Variants in SOX13 observed in about 807,000 individuals in gnomAD.
SOX13 encodes the protein transcription factor SOX-13.
A neutral mutation model predicts 71.8 loss-of-function variants in SOX13; 28 were observed. That is an observed-to-expected ratio of 0.39 (90% CI 0.29 to 0.53). The LOEUF (loss-of-function observed/expected upper bound fraction) is 0.53, where lower values mean the gene tolerates loss of function less well. Among genes scored for constraint, SOX13 ranks in the 20% least tolerant of loss-of-function variants. SOX13 has a pLI of 0.70. For synonymous variants in SOX13, 309 were observed against 317.8 expected (o/e 0.97, Z 0.29); for missense variants, 627 against 810.3 (o/e 0.77, Z 2.75).
At chr1:204,078,250 G>A (rs1262393203) in intron 1 of SOX13, 2 of 139,072 alleles carry the variant, frequency 1.4e-5, no homozygotes, top group African/African-American at 5.1e-5. Context: ...TTCCACCAAG[G>A]GATCTAGGTG....
rs1026782855 is a variant in SOX13 at position 204,082,387 on chromosome 1, G to C, written c.-2+8676G>C. Among the ~76,000 whole-genome samples the C allele has an allele frequency of 3.9e-5, 6 of 152,068 alleles. No individual in the cohort carries two copies. In the East Asian group the frequency reaches 1.2e-3, roughly 29 times the overall value. Reference sequence around the variant, plus strand: ...AGTGAGGACATTAGACGGATGTCAAGAAGGAAGGGAGAGTAGAATGGAAGA... The same window carrying C: ...AGTGAGGACATTAGACGGATGTCAACAAGGAAGGGAGAGTAGAATGGAAGA... On this transcript the variant is annotated intron_variant, in intron 1 of 13. Coordinates refer to ENST00000367204, the MANE Select transcript of SOX13 (RefSeq NM_005686.3).
At chr1:204,112,001 G>T (rs964943892) in intron 1 of SOX13, among the ~76,000 whole-genome samples, 5 of 152,066 alleles carry the variant, frequency 3.3e-5, no homozygotes, top group Admixed American at 6.5e-5. Flanking sequence ...GGAGTGTAGA[G>T]GCTAAAGTAG....
rs770745439 is a variant in SOX13 at position 204,122,363 on chromosome 1, C to T, written c.988C>T (p.Arg330Trp). 1.3e-5 allele frequency: 20 copies of T among 1,562,274 alleles called. No individual in the cohort carries two copies. Among genetic ancestry groups the T allele is most frequent in the African/African-American group, 5.5e-5 (4 of 73,356 alleles). ...CCCCCCCAGCCATGGAGGCCCCACGCGGGACCTGCAGTCCAGCCCCCCGAG... is the reference window on the plus strand; with the variant it reads ...CCCCCCCAGCCATGGAGGCCCCACGTGGGACCTGCAGTCCAGCCCCCCGAG... ...PRPPSHGGPTRDLQSSPPSLP... is the reference protein window; with the variant it reads ...PRPPSHGGPTWDLQSSPPSLP... Residue 330 changes from arginine to tryptophan, a missense_variant, in exon 9 of 14, where the codon CGG becomes TGG. Around this residue, in one of 3 missense-constraint regions of SOX13, gnomAD observed 447 missense variants for 532.2 expected, o/e 0.84. Transcript: ENST00000367204.
chr1:204,116,725 T>G, intron 5 of SOX13, 46 bp downstream of exon 5: 1 of 1,604,692 alleles, frequency 6.2e-7, no homozygotes, highest in Non-Finnish European at 8.5e-7. Context: ...GGAAAAGGAG[T>G]GTGTCAGGAC....
At chr1:204,116,094 G>C in intron 4 of SOX13, 1 of 1,080,786 alleles carries the variant, frequency 9.3e-7, no homozygotes, top group Non-Finnish European at 1.2e-6. Flanking sequence ...AGACAGGATG[G>C]GTTGAAATGG....
chr1:204,078,874 T>C (rs1041316416), intron 1 of SOX13, among the ~76,000 whole-genome samples: 2 of 152,246 alleles, frequency 1.3e-5, no homozygotes, highest in Non-Finnish European at 2.9e-5. Context: ...AAAGAGTGAC[T>C]GCTTTTTAAA....
At position 204,122,330 on chromosome 1, in the gene SOX13, G is replaced by T. The variant is rs538655128; in HGVS notation, c.955G>T (p.Val319Leu). Reference protein sequence around the residue: ...SSPSLKMSSCVPRPPSHGGPT... With the variant: ...SSPSLKMSSCLPRPPSHGGPT... ...CCCAAGCCTGAAGATGAGCAGCTGT[G>T]TGCCCCGCCCCCCCAGCCATGGAGG... The change falls in exon 9 of 14, where the codon GTG (valine) becomes TTG (leucine). Residue 319 changes from valine to leucine, a missense_variant. By Grantham distance (32) the Val-to-Leu change is conservative. Transcript: ENST00000367204. 1 of 1,568,040 alleles carries T rather than the reference G, an allele frequency of 6.4e-7. No homozygotes were observed. The highest frequency in any genetic ancestry group is 1.2e-5 in the South Asian group (1 of 85,526).
chr1:204,086,484 C>G (rs1219537117), intron 1 of SOX13, among the ~76,000 whole-genome samples: 4 of 114,432 alleles, frequency 3.5e-5, no homozygotes. Context: ...TTCTATTTTT[C>G]ATAGAGAAGG....
At chr1:204,075,182 G>A (rs1469306090) in intron 1 of SOX13, among the ~76,000 whole-genome samples, 2 of 152,350 alleles carry the variant, frequency 1.3e-5, no homozygotes, top group South Asian at 4.1e-4. Context: ...GGTTCCAGCC[G>A]GGCGGCGCTC....
Position 204,113,505 on chromosome 1 carries a change from C to CA in SOX13, c.219+372dup, listed in dbSNP as rs572550580. On this transcript the variant is annotated intron_variant, in intron 2 of 13. Transcript: ENST00000367204. ...TGATTTGGGAAAATCAACCTGATTACACAAGCAAGAATTAGGTCACTGTTA... is the reference window on the plus strand; with the variant it reads ...TGATTTGGGAAAATCAACCTGATTACAACAAGCAAGAATTAGGTCACTGTTA... Among the ~76,000 whole-genome samples the CA allele has an allele frequency of 5.9e-5, 9 of 152,228 alleles. No homozygotes were observed. The South Asian group carries it at 1.5e-3, about 25-fold the overall frequency.
At chr1:204,088,053 G>C (rs1047606192) in intron 1 of SOX13, among the ~76,000 whole-genome samples, 1 of 152,224 alleles carries the variant, frequency 6.6e-6, no homozygotes, top group African/African-American at 2.4e-5. Context: ...CTGGCATCTT[G>C]CCATTGGTTT....
Position 204,121,920 on chromosome 1 carries a change from C to T in SOX13, c.796C>T (p.Leu266=), listed in dbSNP as rs1056799130. Residue 266 remains leucine, a synonymous_variant, in exon 8 of 14, where the codon CTG becomes TTG. Transcript: ENST00000367204. The part of the protein sequence containing the change: ...CKPVEYPLQL[L]HSPPAPVVKR... ...CATAGTGGAGTATCCGCTGCAGCTG[C>T]TGCACAGCCCCCCTGCCCCAGTGGT... 4.3e-6 allele frequency: 7 copies of T among 1,612,488 alleles called. No homozygotes were observed. In the African/African-American group the frequency reaches 9.3e-5, roughly 22 times the overall value.
chr1:204,086,464 CA>C (rs1656021135), intron 1 of SOX13, among the ~76,000 whole-genome samples: 1 of 148,440 alleles, frequency 6.7e-6, no homozygotes, highest in Non-Finnish European at 1.5e-5. Context: ...CTGCCACACC[CA>C]GCTAATTTTT....
intron 7 of SOX13, among the ~76,000 whole-genome samples, chr1:204,121,082 C>A (rs901379119): frequency 6.6e-6 from 1 of 151,360 alleles, no homozygotes; most frequent in Non-Finnish European, 1.5e-5. Flanking sequence ...TGGGTTCAAG[C>A]GATTCTCCTG....
At chr1:204,082,692 G>A (rs1655933953) in intron 1 of SOX13, among the ~76,000 whole-genome samples, 1 of 152,174 alleles carries the variant, frequency 6.6e-6, no homozygotes, top group Non-Finnish European at 1.5e-5. Context: ...GGCAGGGAGA[G>A]GAGGCCTCTC....
chr1:204,117,358 C>G (rs561812918), intron 6 of SOX13, among the ~76,000 whole-genome samples, 168 bp downstream of exon 6: 371 of 152,302 alleles, frequency 2.4e-3, no homozygotes, highest in Non-Finnish European at 4.4e-3. Context: ...AACCTGTCTT[C>G]CTTCCCTGAT....
intron 1 of SOX13, among the ~76,000 whole-genome samples, chr1:204,095,246 A>C (rs1220695998): frequency 6.6e-6 from 1 of 152,212 alleles, no homozygotes; most frequent in East Asian, 1.9e-4. Flanking sequence ...ATTTCCAGGA[A>C]AGTCGAGGAA....
chr1:204,080,516 G>T (rs557916265), intron 1 of SOX13, among the ~76,000 whole-genome samples: 1 of 152,220 alleles, frequency 6.6e-6, no homozygotes, highest in Non-Finnish European at 1.5e-5. Flanking sequence ...GAGGAGGCCC[G>T]ACTGTTCTCC....
intron 7 of SOX13, 155 bp from the exon 8 acceptor site, chr1:204,121,745 C>A: frequency 1.4e-6 from 1 of 696,606 alleles, no homozygotes; most frequent in Non-Finnish European, 2.6e-6. Context: ...TAGGAGCCTC[C>A]AAGCAGTGCT....
Sources: allele counts gnomAD v4.1 joint callset (sites outside exome capture counted in the v4.1 genomes callset), GRCh38; gene constraint gnomAD v4.1.1; regional missense constraint gnomAD v4.1.1; transcripts MANE v1.5; gene names NCBI Gene and HGNC (gene_info 2026-07-23, HGNC 2026-07-21).